Variants in TAFA5 observed in about 807,000 individuals in gnomAD.
TAFA5 encodes chemokine-like protein TAFA-5.
Under a neutral mutation model 15.3 loss-of-function variants are expected in TAFA5, and 6 were observed. The observed-to-expected ratio is 0.39, with a 90% CI of 0.21 to 0.77. The LOEUF (loss-of-function observed/expected upper bound fraction) is 0.77. TAFA5 is among the 30% of genes least tolerant of loss of function. TAFA5 has a pLI of 0.41. For synonymous variants in TAFA5, 103 were observed against 80.7 expected (o/e 1.28, Z -1.48); for missense variants, 161 against 193.1 (o/e 0.83, Z 0.98).
chr22:48,602,341 G>T (rs911151503), intron 1 of TAFA5, among the ~76,000 whole-genome samples: 4 of 152,200 alleles, frequency 2.6e-5, no homozygotes, highest in African/African-American at 9.6e-5. Flanking sequence ...TGGGGGCCTG[G>T]CCTGGGCTCC....
chr22:48,497,473 A>T (rs1335507734), intron 1 of TAFA5, among the ~76,000 whole-genome samples: 1 of 151,180 alleles, frequency 6.6e-6, no homozygotes, highest in African/African-American at 2.4e-5. Flanking sequence ...GCCAGGGGTC[A>T]TCAGTCTGGG....
At chr22:48,569,700 G>C (rs1339970513) in intron 1 of TAFA5, among the ~76,000 whole-genome samples, 2 of 152,222 alleles carry the variant, frequency 1.3e-5, no homozygotes, top group African/African-American at 4.8e-5. Context: ...AGTGGTCATG[G>C]AAGTGCATGC....
At chr22:48,533,394 T>G (rs1292756298) in intron 1 of TAFA5, among the ~76,000 whole-genome samples, 1 of 152,066 alleles carries the variant, frequency 6.6e-6, no homozygotes, top group African/African-American at 2.4e-5. Context: ...GTGGCAGGGG[T>G]GGCACAGGGT....
intron 1 of TAFA5, among the ~76,000 whole-genome samples, chr22:48,570,095 A>G (rs1019930187): frequency 1.2e-4 from 19 of 152,084 alleles, no homozygotes; most frequent in African/African-American, 4.1e-4. Context: ...GGGCCCTCCC[A>G]TGCTGCATCT....
At chr22:48,696,231 G>A (rs906335039) in intron 2 of TAFA5, among the ~76,000 whole-genome samples, 4 of 152,208 alleles carry the variant, frequency 2.6e-5, no homozygotes, top group Non-Finnish European at 5.9e-5. Flanking sequence ...CCTGAGCTCT[G>A]CAGACGCTGT....
At chr22:48,525,294 C>T (rs1019580873) in intron 1 of TAFA5, among the ~76,000 whole-genome samples, 1 of 152,142 alleles carries the variant, frequency 6.6e-6, no homozygotes, top group African/African-American at 2.4e-5. Context: ...CATCTTAGGC[C>T]GATGCCCTTA....
intron 3 of TAFA5, among the ~76,000 whole-genome samples, chr22:48,714,240 G>A (rs985364616): frequency 6.6e-6 from 1 of 152,224 alleles, no homozygotes; most frequent in African/African-American, 2.4e-5. Flanking sequence ...CCCCCTGTAG[G>A]GTGACAGGGA....
At chr22:48,632,705 C>T (rs1926276234) in intron 1 of TAFA5, among the ~76,000 whole-genome samples, 1 of 152,180 alleles carries the variant, frequency 6.6e-6, no homozygotes, top group East Asian at 1.9e-4. Context: ...GTTTTTCAGT[C>T]ATGGATGCCT....
At chr22:48,499,260 C>G (rs1920940576) in intron 1 of TAFA5, among the ~76,000 whole-genome samples, 1 of 152,214 alleles carries the variant, frequency 6.6e-6, no homozygotes. Context: ...TAGAGGCAAT[C>G]AAACACTCCC....
Position 48,490,674 on chromosome 22 carries a change from C to T in TAFA5, c.112+970C>T, listed in dbSNP as rs1358763455. Among the ~76,000 whole-genome samples, 1 of 148,798 alleles carries T rather than the reference C, an allele frequency of 6.7e-6. No individual in the cohort carries two copies. Among genetic ancestry groups the T allele is most frequent in the Admixed American group, 6.8e-5 (1 of 14,700 alleles). ...TGGTCGGCTTCAGCTCCGGGAGCTC[C>T]GGGCTTCTTGTCTTCAGCGGGAGAA... On this transcript the variant is annotated intron_variant, in intron 1 of 3. Transcript: ENST00000402357. The surrounding 1 kb of genome is among the most constrained non-coding windows in gnomAD (Gnocchi z 5.8).
chr22:48,557,349 G>A (rs947148652), intron 1 of TAFA5, among the ~76,000 whole-genome samples: 11 of 152,150 alleles, frequency 7.2e-5, no homozygotes, highest in African/African-American at 2.4e-4. Context: ...AGAAGACGGC[G>A]TCCACAGGCT....
chr22:48,712,682 G>A (rs1303183177), intron 3 of TAFA5, among the ~76,000 whole-genome samples: 2 of 152,222 alleles, frequency 1.3e-5, no homozygotes, highest in Admixed American at 6.5e-5. Context: ...CCCCAGGCGA[G>A]GGGACCCTGG....
intron 1 of TAFA5, among the ~76,000 whole-genome samples, chr22:48,567,628 C>T (rs78617743): frequency 0.038 from 5,809 of 152,124 alleles, 293 homozygotes; most frequent in African/African-American, 0.12. Flanking sequence ...CTCCAAAGGT[C>T]CCCTCCCAGC....
intron 2 of TAFA5, among the ~76,000 whole-genome samples, chr22:48,651,425 T>A (rs1402767173): frequency 6.6e-6 from 1 of 151,360 alleles, no homozygotes; most frequent in African/African-American, 2.4e-5. Flanking sequence ...GGCCTGGAGG[T>A]GGGTGTTGGG....
chr22:48,586,258 G>T (rs1274720831), intron 1 of TAFA5, among the ~76,000 whole-genome samples: 1 of 152,258 alleles, frequency 6.6e-6, no homozygotes, highest in Admixed American at 6.5e-5. Flanking sequence ...GGCAGAGGTG[G>T]CGTGGGTGTT....
chr22:48,590,027 C>T (rs549501343), intron 1 of TAFA5, among the ~76,000 whole-genome samples: 2 of 152,068 alleles, frequency 1.3e-5, no homozygotes, highest in African/African-American at 2.4e-5. Flanking sequence ...CGCACATGCA[C>T]GCGTGCTTGG....
chr22:48,719,539 G>GA (rs1463610906), intron 3 of TAFA5, among the ~76,000 whole-genome samples: 1 of 152,034 alleles, frequency 6.6e-6, no homozygotes, highest in Non-Finnish European at 1.5e-5. Flanking sequence ...CAGCCCAAGA[G>GA]AGCAGGGTGG....
At position 48,505,176 on chromosome 22, in the gene TAFA5, T is replaced by G. The variant is rs574597466; in HGVS notation, c.112+15472T>G. 6.6e-5 allele frequency among the ~76,000 whole-genome samples: 10 copies of G among 152,316 alleles called. No individual in the cohort carries two copies. The South Asian group carries it at 2.1e-3, about 32-fold the overall frequency. ...AGGTCAGAGGAGAAGCTTGCCTTAG[T>G]CCTGTCTGCTCTTCACATGAAACTC... is the stretch of plus-strand genomic sequence containing the variant. On this transcript the variant is annotated intron_variant, in intron 1 of 3. Coordinates refer to ENST00000402357, the MANE Select transcript of TAFA5 (RefSeq NM_001082967.3).
At chr22:48,606,732 C>T (rs28671561) in intron 1 of TAFA5, among the ~76,000 whole-genome samples, 15,712 of 152,158 alleles carry the variant, frequency 0.1, 867 homozygotes, top group East Asian at 0.13. Flanking sequence ...AGGAGTGCCG[C>T]GTGTTTCCCC....
Sources: allele counts gnomAD v4.1 joint callset (sites outside exome capture counted in the v4.1 genomes callset), GRCh38; gene constraint gnomAD v4.1.1; non-coding constraint Gnocchi (gnomAD v3.1); transcripts MANE v1.5; gene names NCBI Gene and HGNC (gene_info 2026-07-23, HGNC 2026-07-21).